The following SUMF2 variants were observed in gnomAD, a reference collection of about 807,000 sequenced individuals.
SUMF2 encodes inactive C-alpha-formylglycine-generating enzyme 2.
In SUMF2, 45 loss-of-function variants were observed where a neutral mutation model predicts 44.8. The ratio of observed to expected loss-of-function variants is 1.00; its 90% CI spans 0.79 to 1.29. The LOEUF is 1.29. Ranked by LOEUF, SUMF2 falls within the 50% of genes most tolerant of loss-of-function variation. The probability of loss-of-function intolerance (pLI) is 0.00; values close to 1 mark genes in which losing one functional copy is unlikely to be tolerated. For synonymous variants in SUMF2, 148 were observed against 150.4 expected, an observed-to-expected ratio of 0.98 and a Z score of 0.12; for missense variants, 418 against 389.9, an observed-to-expected ratio of 1.07 and a Z score of -0.61.
chr7:56,067,921 T>C (rs943126403), intron 1 of SUMF2, among the ~76,000 whole-genome samples: 3 of 145,464 alleles, frequency 2.1e-5, no homozygotes, highest in African/African-American at 7.6e-5. Flanking sequence ...AGACAAGAAA[T>C]TGAATCTCAG....
the SUMF2 span, among the ~76,000 whole-genome samples, chr7:56,087,267 G>A: frequency 6.6e-6 from 1 of 150,734 alleles, no homozygotes; most frequent in Non-Finnish European, 1.5e-5. Flanking sequence ...TCTCACCCAG[G>A]CTGGAGTGTA....
rs370390550 is a variant in SUMF2 at position 56,079,894 on chromosome 7, C to T, written c.*282C>T. The T allele has an allele frequency of 3.1e-5, 47 of 1,519,814 alleles. No homozygotes were observed. In the East Asian group the frequency reaches 9.9e-4, roughly 32 times the overall value. The allele number at this position is 1,519,814 out of a possible 1,614,324, so 94.1% of individuals were successfully genotyped here. On this transcript the variant is annotated 3_prime_UTR_variant, in exon 9 of 9. Transcript: ENST00000434526. ...TGACACAGGATTGCAAACACACAAA[C>T]AATTGGAACAGAGCACTCTGAAAGG...
chr7:56,074,426 G>A, intron 4 of SUMF2, 160 bp from the exon 5 acceptor site: 1 of 1,068,928 alleles, frequency 9.4e-7, no homozygotes, highest in South Asian at 1.6e-5. Flanking sequence ...GCCTCCTGTA[G>A]TCTCTTTTTT....
the SUMF2 span, chr7:56,086,961 G>C: frequency 6.2e-7 from 1 of 1,609,710 alleles, no homozygotes; most frequent in Non-Finnish European, 8.5e-7. Flanking sequence ...TCCAGTGCTG[G>C]GTACTTACAG....
chr7:56,087,928 T>C, the SUMF2 span: 29 of 583,582 alleles, frequency 5.0e-5, no homozygotes, highest in African/African-American at 4.8e-4. Flanking sequence ...GATGAATAAA[T>C]ACAGGCACAG....
At chr7:56,064,882 CAAAAAAAAAAAAAAA>C (rs71015175) in intron 1 of SUMF2, among the ~76,000 whole-genome samples, 13 of 14,310 alleles carry the variant, frequency 9.1e-4, no homozygotes, top group Admixed American at 2.3e-3. Flanking sequence ...TACTTTATCT[CAAAAAAAAAAAAAAA>C]AAAAAAAAAA....
intron 6 of SUMF2, among the ~76,000 whole-genome samples, 177 bp from the exon 7 acceptor site, chr7:56,077,925 C>T (rs1226792504): frequency 6.6e-6 from 1 of 151,944 alleles, no homozygotes; most frequent in African/African-American, 2.4e-5. Flanking sequence ...TGGGGGTCAC[C>T]CTGGGGATGT....
chr7:56,072,112 ACT>A (rs1479552201), intron 2 of SUMF2, among the ~76,000 whole-genome samples: 1 of 124,784 alleles, frequency 8.0e-6, no homozygotes, highest in African/African-American at 3.2e-5. Context: ...ACAGAGCAAG[ACT>A]CTGTCTCAAA....
At position 56,069,995 on chromosome 7, in the gene SUMF2, A is replaced by G. The variant is rs182604794; in HGVS notation, c.224+1357A>G. Reference sequence around the variant, plus strand: ...GCGATCTCAGCTCACCACAACCTCCACCTCCTGGGTTCAAGCGATTCTCCT... The same window carrying G: ...GCGATCTCAGCTCACCACAACCTCCGCCTCCTGGGTTCAAGCGATTCTCCT... On this transcript the variant is annotated intron_variant, in intron 2 of 8. Coordinates refer to ENST00000434526, the MANE Select transcript of SUMF2 (RefSeq NM_015411.4). Among the ~76,000 whole-genome samples the G allele has an allele frequency of 4.6e-5, 7 of 151,988 alleles. No homozygotes were observed. The East Asian group carries it at 1.4e-3, about 29-fold the overall frequency.
At chr7:56,074,042 AAATC>A in intron 3 of SUMF2, 128 bp from the exon 4 acceptor site, 27 of 624,022 alleles carry the variant, frequency 4.3e-5, no homozygotes, top group East Asian at 1.5e-4. Flanking sequence ...AAAAAAAAAA[AAATC>A]AGCCACAACC....
At chr7:56,079,503 C>G in intron 8 of SUMF2, 25 bp from the exon 9 acceptor site, 1 of 1,602,122 alleles carries the variant, frequency 6.2e-7, no homozygotes. Flanking sequence ...ACGTGTCTGT[C>G]CTCTCTCCCC....
chr7:56,086,905 G>T, the SUMF2 span: 2 of 1,262,980 alleles, frequency 1.6e-6, no homozygotes, highest in African/African-American at 1.5e-5. Flanking sequence ...CAGCCCTGGG[G>T]TTGGGGAGGG....
downstream of SUMF2, chr7:56,084,051 C>T (rs998377008): frequency 1.0e-5 from 7 of 689,644 alleles, no homozygotes; most frequent in African/African-American, 9.0e-5. Flanking sequence ...TCAGCTAAGT[C>T]CCCTCCCCAG....
Position 56,080,039 on chromosome 7 carries a change from T to A in SUMF2, c.*427T>A. 1 of 680,764 alleles carries A rather than the reference T, an allele frequency of 1.5e-6. No homozygotes were observed. The highest frequency in any genetic ancestry group is 2.0e-5 in the South Asian group (1 of 49,762). 42.2% of individuals were successfully genotyped at this position (680,764 alleles called of 1,614,324 possible). On this transcript the variant is annotated 3_prime_UTR_variant, in exon 9 of 9. Transcript: ENST00000434526. ...GTTCTGTTTTCTCAGCCAGTTGCTG[T>A]GGAAGGAGAATGCTTTCTTTGTGGC...
the SUMF2 span, chr7:56,086,926 G>C: frequency 1.3e-6 from 2 of 1,501,996 alleles, no homozygotes; most frequent in East Asian, 2.3e-5. Flanking sequence ...GACAGCAGTC[G>C]GAGGTTCTCT....
At chr7:56,082,248 A>G (rs1049205825), downstream of SUMF2, 19 of 1,612,648 alleles carry the variant, frequency 1.2e-5, no homozygotes, top group Non-Finnish European at 1.4e-5. Context: ...GGGGTCCCGC[A>G]GACCTCTGCA....
chr7:56,071,753 C>G (rs1795163680), intron 2 of SUMF2, among the ~76,000 whole-genome samples: 2 of 150,962 alleles, frequency 1.3e-5, no homozygotes, highest in African/African-American at 4.9e-5. Context: ...CCACTGCACT[C>G]AAGCCTGGGC....
chr7:56,070,651 G>A (rs1795097547), intron 2 of SUMF2, among the ~76,000 whole-genome samples: 1 of 150,430 alleles, frequency 6.6e-6, no homozygotes, highest in Non-Finnish European at 1.5e-5. Flanking sequence ...AAAAAAAAAA[G>A]ATGTGCTGGA....
At chr7:56,072,949 T>A in intron 2 of SUMF2, 48 bp from the exon 3 acceptor site, 1 of 1,414,718 alleles carries the variant, frequency 7.1e-7, no homozygotes, top group Non-Finnish European at 1.0e-6. Flanking sequence ...GAAGATGGGG[T>A]GGGCACAGAA....
Sources: allele counts gnomAD v4.1 joint callset (sites outside exome capture counted in the v4.1 genomes callset), GRCh38; gene constraint gnomAD v4.1.1; transcripts MANE v1.5; gene names NCBI Gene and HGNC (gene_info 2026-07-23, HGNC 2026-07-21).